The following GHR variants were observed in gnomAD, a reference collection of about 807,000 sequenced individuals.
The protein encoded by GHR is GH receptor.
Under a neutral mutation model 67.1 loss-of-function variants are expected in GHR, and 35 were observed. The ratio of observed to expected loss-of-function variants is 0.52; its 90% CI spans 0.40 to 0.69. GHR has a LOEUF of 0.69. Ranked by LOEUF, GHR falls within the 30% of genes least tolerant of loss-of-function variation. GHR has a pLI of 0.00. For missense variants in GHR, 792 were observed against 764.6 expected, an observed-to-expected ratio of 1.04 and a Z score of -0.42; for synonymous variants, 272 against 269.1, an observed-to-expected ratio of 1.01 and a Z score of -0.10.
At chr5:42,449,451 G>A (rs754117028) in intron 1 of GHR, among the ~76,000 whole-genome samples, 2 of 152,128 alleles carry the variant, frequency 1.3e-5, no homozygotes, top group Non-Finnish European at 1.5e-5. Context: ...CATTGTTGGT[G>A]TATAGCAATG....
chr5:42,618,042 A>G (rs988463222), intron 2 of GHR, among the ~76,000 whole-genome samples: 8 of 152,204 alleles, frequency 5.3e-5, no homozygotes, highest in Middle Eastern at 6.8e-3. Flanking sequence ...CAATACCCAT[A>G]AAGGATACTT....
intron 2 of GHR, among the ~76,000 whole-genome samples, chr5:42,621,235 A>C (rs1364474467): frequency 6.6e-6 from 1 of 152,088 alleles, no homozygotes; most frequent in Non-Finnish European, 1.5e-5. Flanking sequence ...TGCAGAAGGA[A>C]GATACAGGCC....
intron 5 of GHR, among the ~76,000 whole-genome samples, chr5:42,698,507 T>C (rs1439776251): frequency 6.6e-6 from 1 of 152,198 alleles, no homozygotes; most frequent in African/African-American, 2.4e-5. Context: ...TCCTTCCAAT[T>C]TAATTTTCAA....
rs757186457 is a variant in GHR, at chr5:42,719,074, C to A, written c.1567C>A (p.Leu523Ile). 1.2e-6 allele frequency: 2 copies of A among 1,612,840 alleles called. No homozygotes were observed. Among genetic ancestry groups the A allele is most frequent in the African/African-American group, 1.3e-5 (1 of 75,020 alleles). Residue 523 changes from leucine to isoleucine, a missense_variant, in exon 10 of 10, where the codon CTC becomes ATC. Coordinates refer to ENST00000230882, the MANE Select transcript of GHR (RefSeq NM_000163.5). ...TGACATGCACCCGGAAATGGTCTCA[C>A]TCTGCCAAGAAAACTTCCTTATGGA... The part of the protein sequence containing the change: ...QCDMHPEMVS[L>I]CQENFLMDNA...
intron 1 of GHR, among the ~76,000 whole-genome samples, chr5:42,443,755 T>C (rs1258479713): frequency 1.3e-5 from 2 of 152,148 alleles, no homozygotes; most frequent in Non-Finnish European, 2.9e-5. Flanking sequence ...CCAAGTCCGC[T>C]GCAGAATTTC....
chr5:42,710,929 T>C (rs552772067), intron 6 of GHR, among the ~76,000 whole-genome samples: 6 of 152,196 alleles, frequency 3.9e-5, no homozygotes, highest in Non-Finnish European at 8.8e-5. Context: ...TCTTATTAAC[T>C]ATCTGGAAGA....
At chr5:42,683,401 C>T (rs79357182) in intron 3 of GHR, among the ~76,000 whole-genome samples, 87 of 152,300 alleles carry the variant, frequency 5.7e-4, no homozygotes, top group African/African-American at 1.2e-3. Context: ...CACACAGCAA[C>T]GTACTTCATC....
At chr5:42,474,285 A>AG (rs1745156019) in intron 1 of GHR, among the ~76,000 whole-genome samples, 4 of 28,102 alleles carry the variant, frequency 1.4e-4, no homozygotes, top group Non-Finnish European at 2.3e-4. Flanking sequence ...GAAAGAAAGA[A>AG]AAAGAGAAAG....
chr5:42,579,757 T>C (rs1751056434), intron 2 of GHR, among the ~76,000 whole-genome samples: 1 of 152,216 alleles, frequency 6.6e-6, no homozygotes, highest in African/African-American at 2.4e-5. Context: ...GCCAGCTGTT[T>C]ATATTATTGG....
intron 1 of GHR, among the ~76,000 whole-genome samples, chr5:42,563,454 A>G (rs1749729489): frequency 6.6e-6 from 1 of 151,054 alleles, no homozygotes; most frequent in Admixed American, 6.6e-5. Flanking sequence ...GTCTCTACTA[A>G]AAATACAAAA....
intron 3 of GHR, among the ~76,000 whole-genome samples, chr5:42,674,361 A>T (rs1264731689): frequency 1.3e-5 from 2 of 152,226 alleles, no homozygotes; most frequent in African/African-American, 2.4e-5. Context: ...ATTGAGATAA[A>T]ACCCAAATAG....
At chr5:42,583,143 A>G (rs1214319732) in intron 2 of GHR, among the ~76,000 whole-genome samples, 1 of 152,252 alleles carries the variant, frequency 6.6e-6, no homozygotes, top group Non-Finnish European at 1.5e-5. Context: ...GAATCCTGCA[A>G]CAGAATGATG....
At chr5:42,567,625 A>G (rs2112483785) in intron 2 of GHR, among the ~76,000 whole-genome samples, 2 of 152,154 alleles carry the variant, frequency 1.3e-5, no homozygotes, top group Middle Eastern at 6.8e-3. Flanking sequence ...TTATTGAACT[A>G]ACCAATATTT....
chr5:42,575,624 A>C (rs953738341), intron 2 of GHR, among the ~76,000 whole-genome samples: 1 of 151,804 alleles, frequency 6.6e-6, no homozygotes, highest in Admixed American at 6.6e-5. Flanking sequence ...TCTACACACT[A>C]TCAGTTGTCC....
At chr5:42,519,656 AT>A (rs560931452) in intron 1 of GHR, among the ~76,000 whole-genome samples, 188 of 152,306 alleles carry the variant, frequency 1.2e-3, no homozygotes, top group African/African-American at 4.1e-3. Flanking sequence ...AAAAAATGTC[AT>A]GGTTATATGT....
chr5:42,508,567 AGTTT>A (rs552462948), intron 1 of GHR, among the ~76,000 whole-genome samples: 10 of 152,088 alleles, frequency 6.6e-5, no homozygotes, highest in Admixed American at 2.6e-4. Context: ...CCCAGCAGGA[AGTTT>A]GTTTGTTTGT....
intron 2 of GHR, among the ~76,000 whole-genome samples, chr5:42,566,902 G>A (rs900582099): frequency 2.6e-5 from 4 of 152,120 alleles, no homozygotes; most frequent in African/African-American, 9.7e-5. Flanking sequence ...GTAGTAGTGA[G>A]CTGCTGAGGG....
intron 9 of GHR, 92 bp downstream of exon 9, chr5:42,718,213 A>G: frequency 2.6e-6 from 2 of 772,152 alleles, no homozygotes; most frequent in Non-Finnish European, 2.3e-6. Flanking sequence ...AGCTATATAT[A>G]TCACATTCAA....
At chr5:42,695,321 A>G (rs1256874738) in intron 5 of GHR, among the ~76,000 whole-genome samples, 1 of 152,184 alleles carries the variant, frequency 6.6e-6, no homozygotes, top group East Asian at 1.9e-4. Flanking sequence ...TGAAGAAGAG[A>G]ATAGGAACCT....
Sources: gnomAD v4.1 joint callset for allele counts (sites outside exome capture counted in the v4.1 genomes callset) on GRCh38, gnomAD v4.1.1 for gene constraint, MANE v1.5 for transcripts, NCBI Gene and HGNC (gene_info 2026-07-23, HGNC 2026-07-21) for gene names.